Variants in ROBO2 observed in about 807,000 individuals in gnomAD.
The protein encoded by ROBO2 is roundabout guidance receptor 2, also known as roundabout homolog 2.
ROBO2 carries 53 observed loss-of-function variants against 160.8 expected under a neutral mutation model. The observed-to-expected ratio is 0.33, with a 90% CI of 0.26 to 0.41. ROBO2 has a LOEUF of 0.41. Among genes scored for constraint, ROBO2 ranks in the 10% least tolerant of loss-of-function variants. The pLI is 1.00. For synonymous variants in ROBO2, 664 were observed against 611.7 expected (o/e 1.09, Z -1.26); for missense variants, 1,577 against 1,722.4 (o/e 0.92, Z 1.49).
chr3:76,789,853 T>C (rs2063237240), intron 2 of ROBO2, among the ~76,000 whole-genome samples: 1 of 151,780 alleles, frequency 6.6e-6, no homozygotes, highest in East Asian at 2.0e-4. Flanking sequence ...ATGAGGAAAC[T>C]TTTTATTCTA....
At chr3:76,767,173 G>A (rs746546568) in intron 2 of ROBO2, among the ~76,000 whole-genome samples, 9 of 151,418 alleles carry the variant, frequency 5.9e-5, no homozygotes, top group African/African-American at 9.7e-5. Flanking sequence ...CTCAATCAAC[G>A]GCTACTACAA....
chr3:75,943,437 A>G (rs1576240559), intron 2 of ROBO2, among the ~76,000 whole-genome samples: 1 of 152,158 alleles, frequency 6.6e-6, no homozygotes, highest in Admixed American at 6.5e-5. Context: ...CTATTTGAAC[A>G]TATTTGAAGA....
chr3:76,606,659 C>T (rs942743638), intron 2 of ROBO2, among the ~76,000 whole-genome samples: 6 of 151,800 alleles, frequency 4.0e-5, no homozygotes, highest in Admixed American at 2.6e-4. Context: ...TTTTTTGTCT[C>T]CATCTCTGTG....
chr3:77,394,926 A>G (rs1210688016), intron 2 of ROBO2, among the ~76,000 whole-genome samples: 1 of 152,126 alleles, frequency 6.6e-6, no homozygotes, highest in Non-Finnish European at 1.5e-5. Context: ...CTATTATTCA[A>G]TATAGAATTA....
intron 2 of ROBO2, among the ~76,000 whole-genome samples, chr3:77,333,687 C>G (rs1288549423): frequency 6.6e-6 from 1 of 152,090 alleles, no homozygotes; most frequent in Non-Finnish European, 1.5e-5. Context: ...TTGTTATAAC[C>G]ATCTGCAATC....
intron 2 of ROBO2, among the ~76,000 whole-genome samples, chr3:76,070,001 CT>C (rs1197180967): frequency 6.6e-6 from 1 of 152,166 alleles, no homozygotes; most frequent in Non-Finnish European, 1.5e-5. Context: ...TTTCCTATGC[CT>C]GTCTTTACTT....
chr3:77,534,294 A>G (rs2091949585), intron 6 of ROBO2, among the ~76,000 whole-genome samples: 2 of 152,090 alleles, frequency 1.3e-5, no homozygotes. Flanking sequence ...TTTGGAGCCT[A>G]TTCAAATAAG....
chr3:76,580,328 G>GTTTTTTTTTTTTTTTTGTTTTTTTTTTGT (rs748888426), intron 2 of ROBO2, among the ~76,000 whole-genome samples: 2 of 67,326 alleles, frequency 3.0e-5, no homozygotes, highest in Middle Eastern at 9.4e-3. Flanking sequence ...TTTTTTTTTT[G>GTTTTTTTTTTTTTTTTGTTTTTTTTTTGT]TTTTTTTTTT....
At chr3:76,258,077 GT>G (rs930002146) in intron 2 of ROBO2, among the ~76,000 whole-genome samples, 17 of 151,344 alleles carry the variant, frequency 1.1e-4, no homozygotes, top group African/African-American at 4.1e-4. Flanking sequence ...CACCCTTTTA[GT>G]TTTTTTTATC....
chr3:77,598,183 G>A (rs2094349382), intron 19 of ROBO2, among the ~76,000 whole-genome samples: 1 of 152,020 alleles, frequency 6.6e-6, no homozygotes, highest in African/African-American at 2.4e-5. Flanking sequence ...AATTTCATAT[G>A]TATGAGTATA....
chr3:77,647,133 T>A (rs932797529), exon 26 of ROBO2: 8 of 152,600 alleles, frequency 5.2e-5, no homozygotes, highest in Non-Finnish European at 8.8e-5. Context: ...TAAACTCTAT[T>A]GCAATATCTT....
At chr3:76,617,631 G>A (rs1336266830) in intron 2 of ROBO2, among the ~76,000 whole-genome samples, 2 of 152,142 alleles carry the variant, frequency 1.3e-5, no homozygotes, top group African/African-American at 2.4e-5. Context: ...GAAAAAGCTA[G>A]AGAGTTTTTT....
chr3:76,440,875 A>C (rs562508499), intron 2 of ROBO2, among the ~76,000 whole-genome samples: 2 of 147,878 alleles, frequency 1.4e-5, no homozygotes, highest in Non-Finnish European at 2.9e-5. Context: ...CCACTGTAAA[A>C]CACAAACTTC....
At chr3:76,657,709 TGTGTATATATATTCATATATGA>T (rs1446767394) in intron 2 of ROBO2, among the ~76,000 whole-genome samples, 3,750 of 117,702 alleles carry the variant, frequency 0.032, 158 homozygotes, top group African/African-American at 0.12. Context: ...TTCATATATG[TGTGTATATATATTCATATATGA>T]GTGTATATAT....
intron 2 of ROBO2, among the ~76,000 whole-genome samples, chr3:76,073,385 T>C (rs1450046513): frequency 2.8e-5 from 4 of 141,908 alleles, no homozygotes; most frequent in Admixed American, 7.4e-5. Context: ...GCTCCCCTCC[T>C]GGGTTCCCGC....
In ROBO2 at chr3:76,324,888, C is replaced by G. The variant is rs753670051; in HGVS notation, c.109+387286C>G. 3.0e-4 allele frequency among the ~76,000 whole-genome samples: 46 copies of G among 152,232 alleles called. 1 individual carries two copies. Among genetic ancestry groups the G allele is most frequent in the Non-Finnish European group, 6.5e-4 (44 of 68,002 alleles). ...TTGGGAGGCCAAGGCAGGCAGATCA[C>G]GAAGTCAGGAGATCGAGACCATCCT... On this transcript the variant is annotated intron_variant, in intron 2 of 26. Transcript: ENST00000487694.
At chr3:76,284,585 A>C (rs1371164135) in intron 2 of ROBO2, among the ~76,000 whole-genome samples, 2 of 152,112 alleles carry the variant, frequency 1.3e-5, no homozygotes, top group Admixed American at 6.6e-5. Flanking sequence ...AGTGTGCAAT[A>C]ACATTCAGGT....
chr3:76,103,075 G>A (rs936325757), intron 2 of ROBO2, among the ~76,000 whole-genome samples: 1 of 151,872 alleles, frequency 6.6e-6, no homozygotes, highest in Non-Finnish European at 1.5e-5. Context: ...CGCCCGCCTC[G>A]GCCTCCCAAA....
At chr3:76,379,593 T>C (rs564331111) in intron 2 of ROBO2, among the ~76,000 whole-genome samples, 1 of 152,264 alleles carries the variant, frequency 6.6e-6, no homozygotes, top group East Asian at 1.9e-4. Flanking sequence ...TAAAACAATA[T>C]TTAAGATAAA....
Sources: allele counts gnomAD v4.1 joint callset (sites outside exome capture counted in the v4.1 genomes callset), GRCh38; gene constraint gnomAD v4.1.1; transcripts MANE v1.5; gene names NCBI Gene and HGNC (gene_info 2026-07-23, HGNC 2026-07-21).